DMD: variants seen among roughly 807,000 people sequenced by gnomAD.
DMD encodes the protein mutant dystrophin.
In DMD, 63 loss-of-function variants were observed where a neutral mutation model predicts 330.1. That is an observed-to-expected ratio of 0.19 (90% CI 0.16 to 0.24). The LOEUF (loss-of-function observed/expected upper bound fraction) is 0.24. Ranked by LOEUF, DMD falls within the 10% of genes least tolerant of loss-of-function variation. The pLI is 1.00. For missense variants in DMD, 3,344 were observed against 2,684.1 expected (o/e 1.25, Z -5.43); for synonymous variants, 1,223 against 959.8 (o/e 1.27, Z -5.07).
chrX:32,409,115 C>A (rs1033125143), intron 30 of DMD, among the ~76,000 whole-genome samples: 3 of 111,383 alleles, frequency 2.7e-5, no homozygotes, highest in Admixed American at 1.9e-4. Flanking sequence ...AATCTGAGTA[C>A]CTGAGAACTC....
At chrX:31,454,431 T>G (rs987434257) in intron 59 of DMD, among the ~76,000 whole-genome samples, 1 of 112,256 alleles carries the variant, frequency 8.9e-6, no homozygotes, top group Non-Finnish European at 1.9e-5. Flanking sequence ...CGTGAGCCAC[T>G]GCGCCTGAAG....
chrX:32,429,778 G>A (rs191338411), intron 29 of DMD, among the ~76,000 whole-genome samples: 1 of 109,198 alleles, frequency 9.2e-6, no homozygotes, highest in African/African-American at 3.3e-5. Context: ...AGGGCTTGTG[G>A]CTGTAACTCC....
intron 19 of DMD, among the ~76,000 whole-genome samples, chrX:32,493,936 G>A (rs1486396857): frequency 9.0e-6 from 1 of 111,624 alleles, no homozygotes; most frequent in Admixed American, 9.5e-5. Flanking sequence ...GGGACCGATA[G>A]ACTGATGCTG....
intron 2 of DMD, among the ~76,000 whole-genome samples, chrX:32,993,664 T>C (rs974095569): frequency 1.0e-4 from 11 of 110,426 alleles, no homozygotes; most frequent in Non-Finnish European, 1.9e-5. Flanking sequence ...TGGCTACATA[T>C]ACTAAAAATG....
chrX:31,425,600 A>C (rs956867547), intron 60 of DMD, among the ~76,000 whole-genome samples: 3 of 111,112 alleles, frequency 2.7e-5, no homozygotes, highest in African/African-American at 9.9e-5. Context: ...AAAGAGGTTC[A>C]GTGAGATCCA....
chrX:32,265,310 G>A (rs2097340042), intron 43 of DMD, among the ~76,000 whole-genome samples: 1 of 112,759 alleles, frequency 8.9e-6, no homozygotes, highest in East Asian at 2.8e-4. Flanking sequence ...GCTTCCATGT[G>A]GTGTTGAGCC....
In DMD at chrX:32,699,125, T is replaced by C. The variant is rs771696085; in HGVS notation, c.818A>G (p.His273Arg). ...EEHFQLHHQM[H>R]YSQQITVSLA... ...TACACACTTTACCTGTTGAGAATAG[T>C]GCATTTGATGATGTAACTGAAAATG... Residue 273 changes from histidine to arginine, a missense_variant, in exon 8 of 79, where the codon CAC (histidine) becomes CGC (arginine). Transcript: ENST00000357033. 1.1e-5 allele frequency: 13 copies of C among 1,209,758 alleles called. No individual in the cohort carries two copies. The highest frequency in any genetic ancestry group is 1.7e-5 in the African/African-American group (1 of 57,777).
At position 32,200,945 on chromosome X, in the gene DMD, C is replaced by T. The variant is rs564914940; in HGVS notation, c.6438+15971G>A. On this transcript the variant is annotated intron_variant, in intron 44 of 78. Coordinates refer to ENST00000357033, the MANE Select transcript of DMD (RefSeq NM_004006.3). ...ATTTCTCTGCTTGGATGAGGCACCA[C>T]GTCTCACTCCTTGCAAATACATCAC... Among the ~76,000 whole-genome samples the T allele has an allele frequency of 1.3e-4, 14 of 111,488 alleles. No individual in the cohort carries two copies. In the South Asian group the frequency reaches 2.3e-3, roughly 18 times the overall value.
At chrX:31,664,456 T>C (rs2081300496) in intron 53 of DMD, among the ~76,000 whole-genome samples, 1 of 110,437 alleles carries the variant, frequency 9.1e-6, no homozygotes, top group African/African-American at 3.3e-5. Context: ...CTGCTGACTA[T>C]TCTCTTCTCG....
intron 43 of DMD, among the ~76,000 whole-genome samples, chrX:32,236,189 C>G (rs1479455676): frequency 9.0e-6 from 1 of 111,645 alleles, no homozygotes; most frequent in Non-Finnish European, 1.9e-5. Flanking sequence ...GGAAACAAGT[C>G]TATTTTAAAG....
intron 44 of DMD, among the ~76,000 whole-genome samples, chrX:32,203,645 T>G (rs1399754767): frequency 8.9e-6 from 1 of 111,991 alleles, no homozygotes; most frequent in Non-Finnish European, 1.9e-5. Context: ...CATCAGCCCT[T>G]GCCATACACA....
At chrX:32,791,210 A>G (rs960921590) in intron 7 of DMD, among the ~76,000 whole-genome samples, 29 of 83,126 alleles carry the variant, frequency 3.5e-4, no homozygotes, top group African/African-American at 1.1e-3. Flanking sequence ...CTTGCATTCC[A>G]GAGGGTTGCC....
chrX:32,699,862 C>T (rs972667192), intron 7 of DMD, among the ~76,000 whole-genome samples: 2 of 111,312 alleles, frequency 1.8e-5, no homozygotes, highest in Non-Finnish European at 3.8e-5. Flanking sequence ...TTTACTATTC[C>T]GTGTATGTTA....
chrX:33,150,180 C>A (rs1251856834), intron 1 of DMD, among the ~76,000 whole-genome samples: 4 of 111,056 alleles, frequency 3.6e-5, no homozygotes, highest in African/African-American at 1.3e-4. Context: ...GCAAATGTCT[C>A]TGTGTTCTTT....
chrX:32,267,259 T>G (rs1027823133), intron 43 of DMD, among the ~76,000 whole-genome samples: 4 of 112,231 alleles, frequency 3.6e-5, no homozygotes, highest in Non-Finnish European at 7.5e-5. Flanking sequence ...ACTTTCTTCT[T>G]TATACATTTC....
At chrX:32,707,708 T>A (rs960832818) in intron 7 of DMD, among the ~76,000 whole-genome samples, 1 of 111,712 alleles carries the variant, frequency 9.0e-6, no homozygotes, top group Admixed American at 9.6e-5. Context: ...ACTATTTAAA[T>A]CCTTAGAACA....
intron 44 of DMD, among the ~76,000 whole-genome samples, chrX:32,126,839 C>A (rs1209760732): frequency 1.8e-5 from 2 of 111,646 alleles, no homozygotes; most frequent in Admixed American, 1.9e-4. Context: ...AGTTTGTATT[C>A]AGGACAGTAG....
intron 1 of DMD, among the ~76,000 whole-genome samples, chrX:33,338,941 G>C (rs1252314687): frequency 9.0e-6 from 1 of 111,034 alleles, no homozygotes; most frequent in Non-Finnish European, 1.9e-5. Flanking sequence ...AGATTTCCCC[G>C]AAGATTTTTT....
At chrX:31,402,862 C>T (rs181092123) in intron 60 of DMD, among the ~76,000 whole-genome samples, 13 of 110,943 alleles carry the variant, frequency 1.2e-4, no homozygotes, top group Admixed American at 9.6e-4. Flanking sequence ...TTAACGTGAT[C>T]GTTTCTGGCT....
Sources: allele counts gnomAD v4.1 joint callset (sites outside exome capture counted in the v4.1 genomes callset), GRCh38; gene constraint gnomAD v4.1.1; transcripts MANE v1.5; gene names NCBI Gene and HGNC (gene_info 2026-07-23, HGNC 2026-07-21).